MAPK10: variants seen among roughly 807,000 people sequenced by gnomAD.
The protein encoded by MAPK10 is mitogen-activated protein kinase 10.
In MAPK10, 25 loss-of-function variants were observed where a neutral mutation model predicts 59.3. The ratio of observed to expected loss-of-function variants is 0.42; its 90% confidence interval spans 0.31 to 0.59. The LOEUF (loss-of-function observed/expected upper bound fraction) is 0.59, where lower values mean the gene tolerates loss of function less well. Among genes scored for constraint, MAPK10 ranks in the 20% least tolerant of loss-of-function variants. MAPK10 has a pLI of 0.15. For missense variants in MAPK10, 351 were observed against 568.9 expected (o/e 0.62, Z 3.90); for synonymous variants, 190 against 200.5 (o/e 0.95, Z 0.44).
chr4:86,136,439 T>C (rs2062113607), intron 4 of MAPK10, among the ~76,000 whole-genome samples: 1 of 151,370 alleles, frequency 6.6e-6, no homozygotes, highest in Non-Finnish European at 1.5e-5. Flanking sequence ...CAAACTAAGC[T>C]TCATAAGTGA....
intron 3 of MAPK10, among the ~76,000 whole-genome samples, chr4:86,183,009 C>T (rs1006497832): frequency 1.3e-5 from 2 of 152,102 alleles, no homozygotes; most frequent in African/African-American, 2.4e-5. Flanking sequence ...CGACACCCTA[C>T]ACAAAGACTT....
intron 1 of MAPK10, among the ~76,000 whole-genome samples, chr4:86,488,970 G>A (rs556794338): frequency 2.0e-5 from 3 of 152,318 alleles, no homozygotes; most frequent in Admixed American, 6.5e-5. Context: ...AAGTGTTTGC[G>A]CATTCGGGCT....
chr4:86,545,249 T>C (rs1431394196), intron 1 of MAPK10, among the ~76,000 whole-genome samples: 1 of 152,184 alleles, frequency 6.6e-6, no homozygotes, highest in Admixed American at 6.5e-5. Context: ...AATCAATGTA[T>C]CAGGTTAAAG....
At chr4:86,216,126 CA>C (rs2087492053) in intron 2 of MAPK10, among the ~76,000 whole-genome samples, 1 of 151,698 alleles carries the variant, frequency 6.6e-6, no homozygotes, top group South Asian at 2.1e-4. Flanking sequence ...GTTATATGCC[CA>C]AAAGAATTGA....
intron 1 of MAPK10, among the ~76,000 whole-genome samples, chr4:86,427,112 C>G (rs1274127006): frequency 6.6e-6 from 1 of 151,910 alleles, no homozygotes; most frequent in Non-Finnish European, 1.5e-5. Context: ...AAAAAATTAG[C>G]CGGGTGTGGT....
chr4:86,106,004 G>A (rs2056470909), intron 5 of MAPK10, among the ~76,000 whole-genome samples: 1 of 151,966 alleles, frequency 6.6e-6, no homozygotes, highest in Non-Finnish European at 1.5e-5. Context: ...CCTTGCTCTT[G>A]CCAATAGAGC....
intron 1 of MAPK10, among the ~76,000 whole-genome samples, chr4:86,582,052 A>G (rs1183692477): frequency 6.6e-6 from 1 of 151,016 alleles, no homozygotes; most frequent in Non-Finnish European, 1.5e-5. Flanking sequence ...CAAGTGTAAT[A>G]GGAATTCTCA....
chr4:86,509,817 T>C (rs72665725), intron 1 of MAPK10, among the ~76,000 whole-genome samples: 33,317 of 152,180 alleles, frequency 0.22, 4,549 homozygotes, highest in Admixed American at 0.3. Context: ...TGGGTCCAAC[T>C]ATTTTTTTAT....
intron 2 of MAPK10, among the ~76,000 whole-genome samples, chr4:86,314,451 A>G (rs1236787464): frequency 2.0e-5 from 3 of 152,194 alleles, no homozygotes; most frequent in East Asian, 3.9e-4. Flanking sequence ...CTGCTTTTGC[A>G]TCTTCCTCAT....
intron 9 of MAPK10, among the ~76,000 whole-genome samples, chr4:86,073,362 C>T (rs1193140847): frequency 6.6e-6 from 1 of 151,536 alleles, no homozygotes; most frequent in Non-Finnish European, 1.5e-5. Context: ...ATTCACTGAT[C>T]TTTTGAAGGG....
chr4:86,150,266 A>T (rs1173853141), intron 4 of MAPK10, among the ~76,000 whole-genome samples: 1 of 152,248 alleles, frequency 6.6e-6, no homozygotes, highest in Non-Finnish European at 1.5e-5. Context: ...AAAGGCATAC[A>T]GCGTGATACA....
intron 1 of MAPK10, among the ~76,000 whole-genome samples, chr4:86,488,337 G>T (rs1564939601): frequency 6.6e-6 from 1 of 152,126 alleles, no homozygotes. Context: ...TAAGGGAAAT[G>T]ATACCTTTTC....
intron 4 of MAPK10, among the ~76,000 whole-genome samples, chr4:86,142,468 ATC>A (rs2063855440): frequency 6.6e-6 from 1 of 152,100 alleles, no homozygotes; most frequent in Non-Finnish European, 1.5e-5. Flanking sequence ...TTTTTCCAGT[ATC>A]TCTTATGTTC....
At chr4:86,273,743 G>T (rs905169439) in intron 2 of MAPK10, among the ~76,000 whole-genome samples, 4 of 151,944 alleles carry the variant, frequency 2.6e-5, no homozygotes, top group Non-Finnish European at 4.4e-5. Context: ...AACTTAGGGG[G>T]TAAAGCATTG....
intron 2 of MAPK10, among the ~76,000 whole-genome samples, chr4:86,270,230 C>T (rs2094391291): frequency 1.3e-5 from 2 of 151,908 alleles, no homozygotes; most frequent in Admixed American, 1.3e-4. Context: ...AGTTGCTCAG[C>T]ATTCTAACAC....
At chr4:86,129,574 T>G (rs903520815) in intron 4 of MAPK10, among the ~76,000 whole-genome samples, 1 of 152,168 alleles carries the variant, frequency 6.6e-6, no homozygotes, top group African/African-American at 2.4e-5. Flanking sequence ...AGACTACATA[T>G]TGGGATTTCT....
At chr4:86,195,937 ATG>A (rs1487965986) in intron 2 of MAPK10, among the ~76,000 whole-genome samples, 1 of 152,174 alleles carries the variant, frequency 6.6e-6, no homozygotes, top group Non-Finnish European at 1.5e-5. Flanking sequence ...CATGGTGTAT[ATG>A]TGTCATATTT....
intron 11 of MAPK10, among the ~76,000 whole-genome samples, chr4:86,049,688 A>G (rs2043156955): frequency 6.6e-6 from 1 of 152,092 alleles, no homozygotes; most frequent in Admixed American, 6.6e-5. Flanking sequence ...ATTAGACAGG[A>G]CATTTCATGG....
chr4:86,229,656 T>C (rs2091239503), intron 2 of MAPK10, among the ~76,000 whole-genome samples: 2 of 151,984 alleles, frequency 1.3e-5, no homozygotes, highest in South Asian at 2.1e-4. Flanking sequence ...TGATTGAAAA[T>C]GTGAAATATA....
Sources: allele counts gnomAD v4.1 joint callset (sites outside exome capture counted in the v4.1 genomes callset), GRCh38; gene constraint gnomAD v4.1.1; transcripts MANE v1.5; gene names NCBI Gene and HGNC (gene_info 2026-07-23, HGNC 2026-07-21).